KMT2B: variants seen among roughly 807,000 people sequenced by gnomAD.
KMT2B encodes the protein histone-lysine N-methyltransferase 2B.
A neutral mutation model predicts 255.3 loss-of-function variants in KMT2B; 22 were observed. That is an observed-to-expected ratio of 0.09 (90% confidence interval 0.06 to 0.12). The LOEUF is 0.12. Ranked by LOEUF, KMT2B falls within the 10% of genes least tolerant of loss-of-function variation. The pLI, the probability that KMT2B is intolerant of heterozygous loss-of-function variation, is 1.00. For synonymous variants in KMT2B, 1,730 were observed against 1,498.1 expected (o/e 1.15, Z -3.57); for missense variants, 3,149 against 3,737.0 (o/e 0.84, Z 4.10).
At chr19:35,728,693 G>A (rs571322620) in intron 19 of KMT2B, 81 bp from the exon 20 acceptor site, 38 of 1,002,068 alleles carry the variant, frequency 3.8e-5, no homozygotes, top group East Asian at 3.3e-4. Context: ...GTGTCATGGC[G>A]AGTTCAGGCT....
At position 35,721,390 on chromosome 19, in the gene KMT2B, T is replaced by G. The variant is rs193157110; in HGVS notation, c.2043T>G (p.Pro681=). 2.4e-4 allele frequency: 386 copies of G among 1,606,386 alleles called. No individual in the cohort carries two copies. The highest frequency in any genetic ancestry group is 2.7e-4 in the Non-Finnish European group (319 of 1,177,518). Residue 681 remains proline, a synonymous_variant, in exon 3 of 37, where the codon CCT becomes CCG. Coordinates refer to ENST00000420124, the MANE Select transcript of KMT2B (RefSeq NM_014727.3). ...CTCCTGAAGCCCCTGAGCCAGAGCC[T>G]CCTCCTGCCGATGACTCTCCAGCTG... ...LGAPEAPEPE[P]PPADDSPAEP...
chr19:35,729,052 C>G lies in KMT2B; in HGVS notation c.4755C>G (p.Leu1585=). The part of the protein sequence containing the change: ...LEDPRQCALC[L]KYGDADSKEA... ...ACCCCCGTCAGTGTGCACTCTGCCT[C>G]AAATACGGGGATGCAGACTCCAAGG... Residue 1585 remains leucine (L), a synonymous_variant, in exon 21 of 37, where the codon CTC becomes CTG. Transcript: ENST00000420124. The G allele has an allele frequency of 6.2e-7, 1 of 1,614,036 alleles. No homozygotes were observed. The highest frequency in any genetic ancestry group is 8.5e-7 in the Non-Finnish European group (1 of 1,179,888).
In KMT2B at chr19:35,727,839, A is replaced by G. The variant is rs770026722; in HGVS notation, c.4393-42A>G. On this transcript the variant is annotated intron_variant, in intron 17 of 36. Transcript: ENST00000420124. The surrounding 1 kb of genome is among the most constrained non-coding windows in gnomAD (Gnocchi z 4.2). The stretch of plus-strand genomic sequence containing the variant: ...TGGGTGGCAGGAGGAGAGGGCTGGA[A>G]TTGTGCAGAGGGGACTCAGTCTCTG... 1 of 1,612,918 alleles carries G rather than the reference A, an allele frequency of 6.2e-7. No homozygotes were observed. The highest frequency in any genetic ancestry group is 2.2e-5 in the East Asian group (1 of 44,882).
At chr19:35,719,594 C>T in intron 2 of KMT2B, 53 bp downstream of exon 2, 12 of 1,543,606 alleles carry the variant, frequency 7.8e-6, no homozygotes, top group Non-Finnish European at 9.7e-6. Context: ...TTATCCTCGC[C>T]CTTCGTGTCA....
At position 35,732,273 on chromosome 19, in the gene KMT2B, T is replaced by A; in HGVS notation, c.5724T>A (p.Ala1908=). The A allele has an allele frequency of 6.2e-7, 1 of 1,603,664 alleles. No homozygotes were observed. Among genetic ancestry groups the A allele is most frequent in the Non-Finnish European group, 8.5e-7 (1 of 1,175,766 alleles). Residue 1908 remains alanine, a synonymous_variant, in exon 28 of 37, where the codon GCT becomes GCA. Transcript: ENST00000420124. The part of the protein sequence containing the change: ...IPTVGDPDFP[A]PPRRSRRPSP... ...CAGTGGGAGACCCGGACTTCCCAGC[T>A]CCCCCCAGACGTTCCCGTCGTCCCA...
At position 35,737,940 on chromosome 19, in the gene KMT2B, C is replaced by T. The variant is rs1445916256; in HGVS notation, c.7740C>T (p.Tyr2580=). Residue 2580 remains tyrosine (Y), a splice_region_variant and synonymous_variant, in exon 35 of 37, where the codon TAC becomes TAT. Coordinates refer to ENST00000420124, the MANE Select transcript of KMT2B (RefSeq NM_014727.3). The surrounding 1 kb of genome is among the most constrained non-coding windows in gnomAD (Gnocchi z 5.3). ...KKTSKEAVGV[Y]RSAIHGRGLF... The stretch of plus-strand genomic sequence containing the variant: ...CGTCCAAAGAAGCTGTGGGTGTCTA[C>T]AGGTGAGTGGGGTTGGGGGGGAGGA... The T allele has an allele frequency of 3.1e-6, 5 of 1,600,566 alleles. No individual in the cohort carries two copies. Among genetic ancestry groups the T allele is most frequent in the Non-Finnish European group, 4.3e-6 (5 of 1,173,114 alleles).
Position 35,721,493 on chromosome 19 carries a change from A to G in KMT2B, c.2146A>G (p.Lys716Glu). The change falls in exon 3 of 37, where the codon AAG becomes GAG. Residue 716 changes from lysine to glutamate, a missense_variant. By Grantham distance (56) the Lys-to-Glu change is moderately conservative. Transcript: ENST00000420124. ...RFAPVVTTPVKAEVSPHGAPA... is the reference protein window; with the variant it reads ...RFAPVVTTPVEAEVSPHGAPA... ...CGCCCCTGTGGTCACCACTCCTGTT[A>G]AGGCCGAGGTGTCCCCTCACGGGGC... The G allele has an allele frequency of 6.2e-7, 1 of 1,612,428 alleles. No individual in the cohort carries two copies. The highest frequency in any genetic ancestry group is 8.5e-7 in the Non-Finnish European group (1 of 1,179,816).
chr19:35,722,725 G>A lies in KMT2B; in HGVS notation c.2722+7G>A, dbSNP rs1351529139. Reference sequence around the variant, plus strand: ...CAGGACCTCGCCACAGAGGGTAGGTGGGGAGACTGGACAGCCATGTCAGGT... The same window carrying A: ...CAGGACCTCGCCACAGAGGGTAGGTAGGGAGACTGGACAGCCATGTCAGGT... On this transcript the variant is annotated splice_region_variant and intron_variant, in intron 5 of 36. Transcript: ENST00000420124. 1.9e-6 allele frequency: 3 copies of A among 1,582,632 alleles called. No homozygotes were observed. The highest frequency in any genetic ancestry group is 1.3e-5 in the African/African-American group (1 of 74,192).
intron 2 of KMT2B, 63 bp downstream of exon 2, chr19:35,719,604 A>G: frequency 6.5e-7 from 1 of 1,531,916 alleles, no homozygotes; most frequent in South Asian, 1.2e-5. Context: ...CCTTCGTGTC[A>G]GCTCTTCCCT....
At position 35,737,393 on chromosome 19, in the gene KMT2B, T is replaced by G; in HGVS notation, c.7550+130T>G. 1.2e-5 allele frequency: 13 copies of G among 1,073,238 alleles called. No homozygotes were observed. The highest frequency in any genetic ancestry group is 2.6e-5 in the East Asian group (1 of 37,920). 66.5% of individuals were successfully genotyped at this position (1,073,238 alleles called of 1,614,324 possible). A position where few individuals can be genotyped will look rare whatever the true frequency, so the allele number is the denominator to read the frequency against. Reference sequence around the variant, plus strand: ...ACTAGGTCACTTGAAGAGTTATTTCTAGAGTTAGCCAGGCTCCGTGGCTCA... The same window carrying G: ...ACTAGGTCACTTGAAGAGTTATTTCGAGAGTTAGCCAGGCTCCGTGGCTCA... On this transcript the variant is annotated intron_variant, in intron 33 of 36. Transcript: ENST00000420124. This position sits in a 1 kb window ranked among gnomAD's most constrained non-coding sequence, Gnocchi z 5.3.
Position 35,729,096 on chromosome 19 carries a change from G to T in KMT2B, c.4779+20G>T, listed in dbSNP as rs774639708. On this transcript the variant is annotated intron_variant, in intron 21 of 36. Transcript: ENST00000420124. ...TCCAAGGTGAGGGCTGCTCTGTGAC[G>T]CACCAGGTTGTGGGGCCTGTTCCCT... 1 of 1,613,848 alleles carries T rather than the reference G, an allele frequency of 6.2e-7. No individual in the cohort carries two copies. Among genetic ancestry groups the T allele is most frequent in the East Asian group, 2.2e-5 (1 of 44,892 alleles).
rs1970016167 is a variant in KMT2B, at chr19:35,738,655, C to G, written c.*98C>G. On this transcript the variant is annotated 3_prime_UTR_variant, in exon 37 of 37. Coordinates refer to ENST00000420124, the MANE Select transcript of KMT2B (RefSeq NM_014727.3). This position sits in a 1 kb window ranked among gnomAD's most constrained non-coding sequence, Gnocchi z 8.7. ...CTCCCTAGCCCCTCCCAGAGCATCT[C>G]ACCCCCACCCTCATGTTCAGGGTGG... 7.5e-7 allele frequency: 1 copy of G among 1,334,364 alleles called. No individual in the cohort carries two copies. Among genetic ancestry groups the G allele is most frequent in the Non-Finnish European group, 1.0e-6 (1 of 981,194 alleles). 82.7% of individuals were successfully genotyped at this position (1,334,364 alleles called of 1,614,324 possible). A position where few individuals can be genotyped will look rare whatever the true frequency, so the allele number is the denominator to read the frequency against.
intron 5 of KMT2B, 63 bp from the exon 6 acceptor site, chr19:35,722,932 G>C: frequency 6.8e-7 from 1 of 1,469,136 alleles, no homozygotes; most frequent in Non-Finnish European, 9.0e-7. Flanking sequence ...GGAAAGCAGG[G>C]AAGTGAGGTA....
chr19:35,718,036 C>G lies in KMT2B; in HGVS notation c.18C>G (p.Gly6=). The change falls in exon 1 of 37, where the codon GGC becomes GGG. Residue 6 remains glycine (G), a synonymous_variant. Transcript: ENST00000420124. This position sits in a 1 kb window ranked among gnomAD's most constrained non-coding sequence, Gnocchi z 5.0. MAAAA[G]GGSCPGPGSA... The stretch of plus-strand genomic sequence containing the variant: ...GTGCCAAGATGGCGGCGGCGGCGGG[C>G]GGCGGCAGTTGCCCCGGGCCTGGCT... 1 of 985,230 alleles carries G rather than the reference C, an allele frequency of 1.0e-6. No homozygotes were observed. Among genetic ancestry groups the G allele is most frequent in the Non-Finnish European group, 1.2e-6 (1 of 830,938 alleles). The allele number at this position is 985,230 out of a possible 1,614,324, so 61.0% of individuals were successfully genotyped here. A position where few individuals can be genotyped will look rare whatever the true frequency, so the allele number is the denominator to read the frequency against.
Position 35,725,614 on chromosome 19 carries a change from C to T in KMT2B, c.3778C>T (p.Arg1260Cys), listed in dbSNP as rs372953726. 9.3e-6 allele frequency: 15 copies of T among 1,611,038 alleles called. No homozygotes were observed. The highest frequency in any genetic ancestry group is 1.6e-4 in the Middle Eastern group (1 of 6,062). ...CTGCCACGTCTGTGGACGCAAAGGT[C>T]GTGGATCCAAGGTTTGGGCCCAAGG... ...KFCHVCGRKG[R>C]GSKHLLECER... Residue 1260 changes from arginine to cysteine, a missense_variant, in exon 12 of 37, where the codon CGT (arginine) becomes TGT (cysteine). This residue lies in a region of KMT2B where 377 missense variants were observed against 471.0 expected (regional missense o/e 0.80). Coordinates refer to ENST00000420124, the MANE Select transcript of KMT2B (RefSeq NM_014727.3). This position sits in a 1 kb window ranked among gnomAD's most constrained non-coding sequence, Gnocchi z 4.1.
In KMT2B at chr19:35,721,206, C is replaced by T. The variant is rs1568369193; in HGVS notation, c.1859C>T (p.Pro620Leu). The change falls in exon 3 of 37, where the codon CCT (proline) becomes CTT (leucine). Residue 620 changes from proline (P) to leucine (L), a missense_variant. Coordinates refer to ENST00000420124, the MANE Select transcript of KMT2B (RefSeq NM_014727.3). The stretch of plus-strand genomic sequence containing the variant: ...ACCTCACTGACCCGGGAGCTGCCCC[C>T]TCCTCCCCCAGCCCCTCCACCTCCC... Reference protein sequence around the residue: ...RWTSLTRELPPPPPAPPPPPA... With the variant: ...RWTSLTRELPLPPPAPPPPPA... The T allele has an allele frequency of 1.3e-6, 2 of 1,532,502 alleles. No homozygotes were observed. The highest frequency in any genetic ancestry group is 2.8e-5 in the African/African-American group (2 of 71,040). 94.9% of individuals were successfully genotyped at this position (1,532,502 alleles called of 1,614,324 possible). A position where few individuals can be genotyped will look rare whatever the true frequency, so the allele number is the denominator to read the frequency against.
chr19:35,722,532 G>A (rs367827604), intron 4 of KMT2B, 36 bp from the exon 5 acceptor site: 115 of 1,590,932 alleles, frequency 7.2e-5, no homozygotes, highest in Middle Eastern at 5.0e-4. Context: ...CTGCGGGAGC[G>A]CAAGCTGCCC....
chr19:35,729,672 T>TA (rs1317419961), intron 22 of KMT2B, among the ~76,000 whole-genome samples: 1 of 151,956 alleles, frequency 6.6e-6, no homozygotes, highest in Non-Finnish European at 1.5e-5. Context: ...ATTGGGGTGG[T>TA]AGAGATTCCC....
chr19:35,721,640 TCACCACA>T lies in KMT2B; in HGVS notation c.2294_2300del (p.Ser765CysfsTer22), dbSNP rs1969216211. The stretch of plus-strand genomic sequence containing the variant: ...ACAGCCACAGCTGCAGCCACCGCCG[TCACCACA>T]GCAGATGCCTCCCCTGGAAAAAGCC... On this transcript the variant is annotated frameshift_variant, in exon 3 of 37. Transcript: ENST00000420124. LOFTEE classifies it high-confidence loss of function. The T allele has an allele frequency of 6.2e-7, 1 of 1,611,594 alleles. No individual in the cohort carries two copies. Among genetic ancestry groups the T allele is most frequent in the East Asian group, 2.2e-5 (1 of 44,870 alleles).
Sources: allele counts gnomAD v4.1 joint callset (sites outside exome capture counted in the v4.1 genomes callset), GRCh38; gene constraint gnomAD v4.1.1; regional missense constraint gnomAD v4.1.1; non-coding constraint Gnocchi (gnomAD v3.1); transcripts MANE v1.5; gene names NCBI Gene and HGNC (gene_info 2026-07-23, HGNC 2026-07-21).